The following GXYLT2 variants were observed in gnomAD, a reference collection of about 807,000 sequenced individuals.
GXYLT2 encodes glucoside xylosyltransferase 2, also known as glycosyltransferase 8 domain containing 4.
A neutral mutation model predicts 45.8 loss-of-function variants in GXYLT2; 53 were observed. The ratio of observed to expected loss-of-function variants is 1.16; its 90% CI spans 0.93 to 1.46. The LOEUF (loss-of-function observed/expected upper bound fraction) is 1.46. Ranked by LOEUF, GXYLT2 falls within the 40% of genes most tolerant of loss-of-function variation. The pLI is 0.00. For synonymous variants in GXYLT2, 219 were observed against 214.2 expected (o/e 1.02, Z -0.19); for missense variants, 551 against 544.4 (o/e 1.01, Z -0.12).
intron 3 of GXYLT2, among the ~76,000 whole-genome samples, chr3:72,942,411 C>T (rs1016200887): frequency 5.9e-5 from 9 of 151,946 alleles, no homozygotes; most frequent in Admixed American, 2.0e-4. Context: ...ATAATTACTG[C>T]GGGTAAGATC....
At position 72,976,003 on chromosome 3, in the gene GXYLT2, C is replaced by G. The variant is rs1364606034; in HGVS notation, c.*844C>G. 1 of 148,346 alleles carries G rather than the reference C, an allele frequency of 6.7e-6. No individual in the cohort carries two copies. The highest frequency in any genetic ancestry group is 1.5e-5 in the Non-Finnish European group (1 of 67,738). 9.2% of individuals were successfully genotyped at this position (148,346 alleles called of 1,614,324 possible). ...CTAGAATGCAGTGGCAGGATCTCGG[C>G]TCACTGCAGCTTCCACCTCCTGGGT... On this transcript the variant is annotated 3_prime_UTR_variant, in exon 7 of 7. Transcript: ENST00000389617.
At chr3:72,963,505 T>TCG (rs1710805740) in intron 5 of GXYLT2, among the ~76,000 whole-genome samples, 1 of 81,922 alleles carries the variant, frequency 1.2e-5, no homozygotes. Context: ...CCGGAGTTTT[T>TCG]TGTTTTTTTT....
At chr3:72,950,093 C>T (rs1454451452) in intron 3 of GXYLT2, among the ~76,000 whole-genome samples, 1 of 147,618 alleles carries the variant, frequency 6.8e-6, no homozygotes, top group Non-Finnish European at 1.5e-5. Flanking sequence ...GAGGCCAAGG[C>T]AGGAGGATGA....
chr3:72,963,657 C>T (rs2107151120), intron 5 of GXYLT2, among the ~76,000 whole-genome samples: 1 of 147,314 alleles, frequency 6.8e-6, no homozygotes, highest in South Asian at 2.2e-4. Flanking sequence ...TGTGTACCAC[C>T]ATGCCTAGCT....
chr3:72,899,564 G>A (rs955520947), intron 1 of GXYLT2, among the ~76,000 whole-genome samples: 8 of 152,152 alleles, frequency 5.3e-5, no homozygotes, highest in Admixed American at 5.2e-4. Flanking sequence ...ATGACGTCAA[G>A]GGAGAAAATT....
rs767290497 is a variant in GXYLT2, at chr3:72,955,206, C to T, written c.709C>T (p.Leu237Phe). The stretch of plus-strand genomic sequence containing the variant: ...TCTGAGGCTGTTTAATTCCACCCAG[C>T]TTGCAGCCATGGCCCCTGAGCACGA... ...KLLRLFNSTQ[L>F]AAMAPEHEIP... Residue 237 changes from leucine to phenylalanine, a missense_variant, in exon 4 of 7, where the codon CTT becomes TTT. Physicochemically the swap from Leu to Phe is conservative, Grantham distance 22. Transcript: ENST00000389617. 6.2e-7 allele frequency: 1 copy of T among 1,614,054 alleles called. No homozygotes were observed. The highest frequency in any genetic ancestry group is 1.7e-5 in the Admixed American group (1 of 60,028).
Position 72,975,093 on chromosome 3 carries a change from G to A in GXYLT2, c.1266G>A (p.Glu422=). The change falls in exon 7 of 7, where the codon GAG becomes GAA. Residue 422 remains glutamate, a synonymous_variant. Coordinates refer to ENST00000389617, the MANE Select transcript of GXYLT2 (RefSeq NM_001080393.2). ...RIPQVFLKQI[E]KTMKRAYEKH... ...CGCAAGTTTTTCTGAAGCAAATTGA[G>A]AAAACAATGAAAAGGGCTTATGAGA... 1 of 1,613,662 alleles carries A rather than the reference G, an allele frequency of 6.2e-7. No homozygotes were observed. Among genetic ancestry groups the A allele is most frequent in the Non-Finnish European group, 8.5e-7 (1 of 1,179,746 alleles).
rs2107155633 is a variant in GXYLT2 at position 72,967,610 on chromosome 3, A to C, written c.1040A>C (p.Asn347Thr). Residue 347 changes from asparagine (N) to threonine (T), a missense_variant, in exon 6 of 7, where the codon AAC (asparagine) becomes ACC (threonine). Transcript: ENST00000389617. Reference sequence around the variant, plus strand: ...CCCGATCACTGCATGTACGGAAGCAACTGCAGAGAGGCTGAGCATGAAGGT... The same window carrying C: ...CCCGATCACTGCATGTACGGAAGCACCTGCAGAGAGGCTGAGCATGAAGGT... ...YRPDHCMYGS[N>T]CREAEHEGVS... is the part of the protein sequence containing the mutation. 6.2e-7 allele frequency: 1 copy of C among 1,613,740 alleles called. No individual in the cohort carries two copies. Among genetic ancestry groups the C allele is most frequent in the East Asian group, 2.2e-5 (1 of 44,882 alleles).
chr3:72,960,487 C>T (rs1228183329), intron 5 of GXYLT2, among the ~76,000 whole-genome samples: 1 of 152,210 alleles, frequency 6.6e-6, no homozygotes, highest in African/African-American at 2.4e-5. Context: ...ATTGCTTCTT[C>T]ACTCTCCATC....
At chr3:72,896,672 A>C (rs921952943) in intron 1 of GXYLT2, among the ~76,000 whole-genome samples, 1 of 151,980 alleles carries the variant, frequency 6.6e-6, no homozygotes, top group Non-Finnish European at 1.5e-5. Flanking sequence ...AATATGGTGA[A>C]ACCTGGTCTC....
At chr3:72,888,546 C>G (rs1009384985) in intron 1 of GXYLT2, 38 bp downstream of exon 1, 2 of 1,176,536 alleles carry the variant, frequency 1.7e-6, no homozygotes, top group African/African-American at 3.2e-5. Context: ...TCTGCGGACC[C>G]GTGTCTCGCT....
chr3:72,946,582 C>A (rs537583798), intron 3 of GXYLT2, among the ~76,000 whole-genome samples: 1 of 152,146 alleles, frequency 6.6e-6, no homozygotes, highest in Non-Finnish European at 1.5e-5. Flanking sequence ...ATAGATGGTG[C>A]CTTCTCACCG....
chr3:72,903,203 A>G (rs901958966), intron 1 of GXYLT2, among the ~76,000 whole-genome samples: 1 of 152,190 alleles, frequency 6.6e-6, no homozygotes, highest in East Asian at 1.9e-4. Context: ...ACCCCATTGG[A>G]ATACATGGAA....
rs904838779 is a variant in GXYLT2 at position 72,899,472 on chromosome 3, G to A, written c.276-8895G>A. Reference sequence around the variant, plus strand: ...AGATTTATGATATTTGATTTAACTCGAAACCATGGGTCATTAAAAGTGATT... The same window carrying A: ...AGATTTATGATATTTGATTTAACTCAAAACCATGGGTCATTAAAAGTGATT... On this transcript the variant is annotated intron_variant, in intron 1 of 6. Coordinates refer to ENST00000389617, the MANE Select transcript of GXYLT2 (RefSeq NM_001080393.2). Among the ~76,000 whole-genome samples the A allele has an allele frequency of 7.9e-5, 12 of 152,070 alleles. No individual in the cohort carries two copies. In the East Asian group the frequency reaches 9.6e-4, roughly 12 times the overall value.
intron 3 of GXYLT2, among the ~76,000 whole-genome samples, chr3:72,945,442 C>A (rs545311974): frequency 6.6e-6 from 1 of 152,128 alleles, no homozygotes; most frequent in Non-Finnish European, 1.5e-5. Flanking sequence ...TACCTAGATA[C>A]AGAAGATCCC....
At chr3:72,970,611 G>C (rs183622574) in intron 6 of GXYLT2, among the ~76,000 whole-genome samples, 1 of 152,280 alleles carries the variant, frequency 6.6e-6, no homozygotes, top group African/African-American at 2.4e-5. Context: ...TGTAATCCCA[G>C]CACTTTGGGA....
chr3:72,889,837 A>G (rs1300064105), intron 1 of GXYLT2, among the ~76,000 whole-genome samples: 3 of 152,000 alleles, frequency 2.0e-5, no homozygotes, highest in Non-Finnish European at 4.4e-5. Context: ...TTAACACTTA[A>G]CATATACAAC....
chr3:72,912,160 C>G (rs1396665240), intron 2 of GXYLT2, among the ~76,000 whole-genome samples: 2 of 151,744 alleles, frequency 1.3e-5, no homozygotes, highest in African/African-American at 4.8e-5. Flanking sequence ...ACAAACTGCG[C>G]CACCACGCCC....
intron 3 of GXYLT2, among the ~76,000 whole-genome samples, chr3:72,945,303 A>AAAT (rs113244293): frequency 1.3e-5 from 2 of 151,250 alleles, no homozygotes; most frequent in African/African-American, 4.9e-5. Flanking sequence ...ATAAAAAAAT[A>AAAT]AAAATAAAAT....
Sources: allele counts gnomAD v4.1 joint callset (sites outside exome capture counted in the v4.1 genomes callset), GRCh38; gene constraint gnomAD v4.1.1; transcripts MANE v1.5; gene names NCBI Gene and HGNC (gene_info 2026-07-23, HGNC 2026-07-21).